ELL: variants seen among roughly 807,000 people sequenced by gnomAD.
The protein encoded by ELL is elongation factor for RNA polymerase II, also known as RNA polymerase II elongation factor ELL.
Under a neutral mutation model 64.0 loss-of-function variants are expected in ELL, and 18 were observed. That is an observed-to-expected ratio of 0.28 (90% CI 0.19 to 0.42). The LOEUF (loss-of-function observed/expected upper bound fraction) is 0.42, where lower values mean the gene tolerates loss of function less well. ELL is among the 10% of genes least tolerant of loss of function. The pLI, the probability that ELL is intolerant of heterozygous loss-of-function variation, is 1.00. For missense variants in ELL, 797 were observed against 870.4 expected, an observed-to-expected ratio of 0.92 and a Z score of 1.06; for synonymous variants, 399 against 376.2, an observed-to-expected ratio of 1.06 and a Z score of -0.70.
intron 5 of ELL, among the ~76,000 whole-genome samples, chr19:18,459,147 G>A (rs79888481): frequency 0.14 from 22,032 of 152,188 alleles, 1,686 homozygotes; most frequent in South Asian, 0.2. Flanking sequence ...CCAAAGTGCT[G>A]GAAACAGGCG....
At chr19:18,494,531 C>T (rs1010250146) in intron 1 of ELL, among the ~76,000 whole-genome samples, 1 of 152,012 alleles carries the variant, frequency 6.6e-6, no homozygotes, top group African/African-American at 2.4e-5. Flanking sequence ...GCTGGGATTA[C>T]GGATGCCTGC....
At chr19:18,454,618 A>G (rs1442321539) in intron 6 of ELL, among the ~76,000 whole-genome samples, 1 of 151,678 alleles carries the variant, frequency 6.6e-6, no homozygotes, top group African/African-American at 2.4e-5. Flanking sequence ...AGATGGGCAG[A>G]TTACCTGAGG....
intron 1 of ELL, among the ~76,000 whole-genome samples, chr19:18,478,889 A>G (rs2144938552): frequency 6.6e-6 from 1 of 152,308 alleles, no homozygotes; most frequent in East Asian, 1.9e-4. Flanking sequence ...CACTCCTGTA[A>G]AGACAGCAAT....
rs780098994 is a variant in ELL, at chr19:18,465,492, G to A, written c.389C>T (p.Ala130Val). The A allele has an allele frequency of 3.1e-6, 5 of 1,612,938 alleles. No homozygotes were observed. The highest frequency in any genetic ancestry group is 1.7e-5 in the Admixed American group (1 of 59,950). ...CTCCGCCTGGGCCATGCTCTGCCGC[G>A]CCTTCTGGTAGGAGTCGTCGGTGGC... Reference protein sequence around the residue: ...VCATDDSYQKARQSMAQAEEE... With the variant: ...VCATDDSYQKVRQSMAQAEEE... The change falls in exon 4 of 12, where the codon GCG becomes GTG. Residue 130 changes from alanine (A) to valine (V), a missense_variant. Ala to Val is a moderately conservative substitution (Grantham distance 64). Transcript: ENST00000262809.
chr19:18,466,625 C>T (rs550721303), intron 2 of ELL, among the ~76,000 whole-genome samples: 17 of 152,310 alleles, frequency 1.1e-4, no homozygotes, highest in South Asian at 1.0e-3. Flanking sequence ...GGACGGACTG[C>T]GCTGGTCCCG....
intron 1 of ELL, among the ~76,000 whole-genome samples, chr19:18,500,444 A>C (rs778179552): frequency 3.9e-5 from 6 of 152,168 alleles, no homozygotes; most frequent in Non-Finnish European, 5.9e-5. Flanking sequence ...CAGCCGCTCC[A>C]TCAACTGGCT....
intron 1 of ELL, among the ~76,000 whole-genome samples, chr19:18,500,889 T>C (rs374254672): frequency 6.6e-6 from 1 of 152,096 alleles, no homozygotes; most frequent in East Asian, 1.9e-4. Context: ...CTTCAAAAAA[T>C]ACCAGCCAAT....
intron 1 of ELL, among the ~76,000 whole-genome samples, chr19:18,492,531 TCAC>T (rs1975554328): frequency 6.6e-6 from 1 of 152,350 alleles, no homozygotes; most frequent in Non-Finnish European, 1.5e-5. Flanking sequence ...CCACTTCAGC[TCAC>T]CACTAATTAT....
chr19:18,516,444 G>A (rs954251972), intron 1 of ELL, among the ~76,000 whole-genome samples: 10 of 152,142 alleles, frequency 6.6e-5, no homozygotes, highest in Non-Finnish European at 1.3e-4. Flanking sequence ...GTTGACCGCC[G>A]GTGAGTTACT....
chr19:18,448,579 C>T (rs2047769155), intron 8 of ELL: 2 of 152,312 alleles, frequency 1.3e-5, no homozygotes, highest in African/African-American at 2.4e-5. Flanking sequence ...GCTGCGAAGG[C>T]CAAGCCCATG....
At chr19:18,458,786 C>T (rs750191739) in intron 5 of ELL, among the ~76,000 whole-genome samples, 2 of 152,094 alleles carry the variant, frequency 1.3e-5, no homozygotes, top group Non-Finnish European at 2.9e-5. Flanking sequence ...GTGTGCACCA[C>T]TATACTCCAG....
chr19:18,484,385 A>C (rs932167948), intron 1 of ELL, among the ~76,000 whole-genome samples: 5 of 152,172 alleles, frequency 3.3e-5, no homozygotes, highest in African/African-American at 1.2e-4. Flanking sequence ...AAATCGCTTG[A>C]ACCTGGGAGG....
chr19:18,490,080 G>A (rs957832687), intron 1 of ELL, among the ~76,000 whole-genome samples: 10 of 152,220 alleles, frequency 6.6e-5, no homozygotes, highest in African/African-American at 2.4e-4. Context: ...CTGCGTCTGA[G>A]AGCAGAGAAC....
At chr19:18,451,517 G>T (rs111744194) in intron 7 of ELL, 35 bp downstream of exon 7, 10 of 1,447,366 alleles carry the variant, frequency 6.9e-6, no homozygotes, top group Non-Finnish European at 8.2e-6. Flanking sequence ...CCCTGCAGGT[G>T]CTTGGGACAG....
At chr19:18,470,323 TG>T (rs1421941363) in intron 2 of ELL, among the ~76,000 whole-genome samples, 1 of 152,150 alleles carries the variant, frequency 6.6e-6, no homozygotes, top group Non-Finnish European at 1.5e-5. Context: ...CTCGCTGAGA[TG>T]GGGGTTGGGG....
intron 1 of ELL, among the ~76,000 whole-genome samples, chr19:18,495,443 C>T (rs1193169681): frequency 2.6e-5 from 4 of 152,232 alleles, no homozygotes; most frequent in African/African-American, 9.6e-5. Context: ...CTCGCATCCC[C>T]ATCAGGGAGG....
intron 2 of ELL, 40 bp downstream of exon 2, chr19:18,472,795 C>G: frequency 6.3e-7 from 1 of 1,593,922 alleles, no homozygotes; most frequent in Non-Finnish European, 8.5e-7. Flanking sequence ...CTATACCAGT[C>G]CCAAGATTCC....
At chr19:18,489,914 C>T (rs1390205737) in intron 1 of ELL, among the ~76,000 whole-genome samples, 1 of 152,122 alleles carries the variant, frequency 6.6e-6, no homozygotes, top group Non-Finnish European at 1.5e-5. Flanking sequence ...TGGCCTAGCA[C>T]TAGGACAACA....
chr19:18,475,521 G>A (rs187200962), intron 1 of ELL, among the ~76,000 whole-genome samples: 19 of 152,096 alleles, frequency 1.2e-4, no homozygotes, highest in Admixed American at 7.9e-4. Context: ...ACACACTTCC[G>A]TACAAAAACT....
Sources: gnomAD v4.1 joint callset for allele counts (sites outside exome capture counted in the v4.1 genomes callset) on GRCh38, gnomAD v4.1.1 for gene constraint, MANE v1.5 for transcripts, NCBI Gene and HGNC (gene_info 2026-07-23, HGNC 2026-07-21) for gene names.